Variants in ASIC2 observed in about 807,000 individuals in gnomAD.
The protein encoded by ASIC2 is acid sensing ion channel subunit 2, also known as acid-sensing ion channel 2.
In ASIC2, 25 loss-of-function variants were observed where a neutral mutation model predicts 57.3. The ratio of observed to expected loss-of-function variants is 0.44; its 90% CI spans 0.32 to 0.61. The LOEUF (loss-of-function observed/expected upper bound fraction) is 0.61. ASIC2 is among the 20% of genes least tolerant of loss of function. The probability of loss-of-function intolerance (pLI) is 0.06; values close to 1 mark genes in which losing one functional copy is unlikely to be tolerated. For missense variants in ASIC2, 641 were observed against 738.1 expected (o/e 0.87, Z 1.52); for synonymous variants, 319 against 307.5 (o/e 1.04, Z -0.39).
intron 1 of ASIC2, among the ~76,000 whole-genome samples, chr17:33,415,365 A>G (rs948918827): frequency 6.6e-6 from 1 of 152,290 alleles, no homozygotes; most frequent in Admixed American, 6.5e-5. Flanking sequence ...AACTAATACA[A>G]TGGAAATGCT....
chr17:33,351,682 C>T (rs1192089838), intron 1 of ASIC2, among the ~76,000 whole-genome samples: 1 of 152,196 alleles, frequency 6.6e-6, no homozygotes, highest in African/African-American at 2.4e-5. Context: ...TGTCGAAATG[C>T]ATTCATAATG....
chr17:33,821,030 CT>C (rs1358873153), intron 1 of ASIC2, among the ~76,000 whole-genome samples: 1 of 152,122 alleles, frequency 6.6e-6, no homozygotes, highest in Non-Finnish European at 1.5e-5. Context: ...GGCTTTAGAG[CT>C]AATGCTTGAG....
At chr17:33,556,404 G>A (rs970944012) in intron 1 of ASIC2, among the ~76,000 whole-genome samples, 6 of 152,208 alleles carry the variant, frequency 3.9e-5, no homozygotes, top group African/African-American at 9.6e-5. Context: ...ATGACAGCAC[G>A]TGGGAAAATC....
chr17:33,475,617 G>T (rs1913194971), intron 1 of ASIC2, among the ~76,000 whole-genome samples: 2 of 152,202 alleles, frequency 1.3e-5, no homozygotes, highest in Non-Finnish European at 2.9e-5. Context: ...GTTCACTCTT[G>T]ATTTAAGAAG....
At chr17:33,826,417 C>G (rs1295471010) in intron 1 of ASIC2, among the ~76,000 whole-genome samples, 1 of 152,162 alleles carries the variant, frequency 6.6e-6, no homozygotes, top group African/African-American at 2.4e-5. Flanking sequence ...TATAGCAACT[C>G]CAACCATCTG....
intron 1 of ASIC2, among the ~76,000 whole-genome samples, chr17:33,383,963 G>A (rs1909580487): frequency 1.3e-5 from 2 of 152,206 alleles, no homozygotes. Context: ...ACACAAACCA[G>A]AGAGTGGTGT....
chr17:33,580,312 C>G, intron 1 of ASIC2: 1 of 152,164 alleles, frequency 6.6e-6, no homozygotes, highest in East Asian at 1.9e-4. Context: ...TGCTGCAACT[C>G]TGGGTATAGA....
intron 1 of ASIC2, among the ~76,000 whole-genome samples, chr17:33,241,768 T>C (rs1344748831): frequency 6.6e-6 from 1 of 152,114 alleles, no homozygotes; most frequent in Non-Finnish European, 1.5e-5. Context: ...AGTGGAGATA[T>C]CTAAGGAATG....
intron 1 of ASIC2, among the ~76,000 whole-genome samples, chr17:34,042,015 G>GGAC (rs1908151592): frequency 6.6e-6 from 1 of 152,154 alleles, no homozygotes; most frequent in South Asian, 2.1e-4. Flanking sequence ...GAGAATTGTA[G>GGAC]GACAAACTCA....
intron 3 of ASIC2, among the ~76,000 whole-genome samples, chr17:33,057,518 G>A (rs926723958): frequency 6.6e-6 from 1 of 152,258 alleles, no homozygotes; most frequent in Non-Finnish European, 1.5e-5. Flanking sequence ...GTTTTAAGAT[G>A]CTGGATAACA....
At chr17:33,788,662 C>T (rs139707871) in intron 1 of ASIC2, among the ~76,000 whole-genome samples, 174 of 152,226 alleles carry the variant, frequency 1.1e-3, no homozygotes, top group African/African-American at 3.9e-3. Context: ...AAATACCCAT[C>T]GACGATAGAT....
chr17:33,879,087 TA>T (rs1877599442), intron 1 of ASIC2, among the ~76,000 whole-genome samples: 1 of 152,108 alleles, frequency 6.6e-6, no homozygotes. Context: ...AGGCCTGCCC[TA>T]AAAGAGCTCC....
At chr17:33,821,502 G>T (rs770484730) in intron 1 of ASIC2, among the ~76,000 whole-genome samples, 2 of 152,112 alleles carry the variant, frequency 1.3e-5, no homozygotes, top group Non-Finnish European at 2.9e-5. Context: ...AAGCCCTGTT[G>T]AGGCCCTAGC....
intron 1 of ASIC2, among the ~76,000 whole-genome samples, chr17:33,499,983 C>T (rs534248231): frequency 6.6e-6 from 1 of 152,044 alleles, no homozygotes; most frequent in Admixed American, 6.6e-5. Context: ...TTTGCATAAG[C>T]CAGTTTGGGT....
chr17:33,506,615 G>A (rs1914272273), intron 1 of ASIC2, among the ~76,000 whole-genome samples: 1 of 152,188 alleles, frequency 6.6e-6, no homozygotes, highest in Admixed American at 6.5e-5. Flanking sequence ...AATCTGTAGT[G>A]TAGCATTATG....
intron 1 of ASIC2, among the ~76,000 whole-genome samples, chr17:33,768,615 T>A (rs1177814953): frequency 3.9e-5 from 6 of 152,190 alleles, no homozygotes. Flanking sequence ...AGGTCCCCAG[T>A]GAAACCCCAC....
chr17:33,355,309 T>A (rs1422487751), intron 1 of ASIC2, among the ~76,000 whole-genome samples: 1 of 152,118 alleles, frequency 6.6e-6, no homozygotes, highest in African/African-American at 2.4e-5. Flanking sequence ...CACTCCAGCG[T>A]GGACAACACA....
Position 33,825,988 on chromosome 17 carries a change from C to T in ASIC2, c.555+329990G>A, listed in dbSNP as rs946893445. On this transcript the variant is annotated intron_variant, in intron 1 of 9. Transcript: ENST00000359872. ...CATGATTGAGGCAATTTAAACAACT[C>T]GGGAAAAACCTCAAACCCTGATGAA... Among the ~76,000 whole-genome samples the T allele has an allele frequency of 6.6e-5, 10 of 152,092 alleles. No individual in the cohort carries two copies. The East Asian group carries it at 1.2e-3, about 18-fold the overall frequency.
At chr17:34,038,171 T>G (rs777996792) in intron 1 of ASIC2, 1 of 1,612,678 alleles carries the variant, frequency 6.2e-7, no homozygotes, top group Non-Finnish European at 8.5e-7. Context: ...GAGGTCATAG[T>G]GTATGATGGG....
Sources: gnomAD v4.1 joint callset for allele counts (sites outside exome capture counted in the v4.1 genomes callset) on GRCh38, gnomAD v4.1.1 for gene constraint, MANE v1.5 for transcripts, NCBI Gene and HGNC (gene_info 2026-07-23, HGNC 2026-07-21) for gene names.